DACH1: variants seen among roughly 807,000 people sequenced by gnomAD.
The protein encoded by DACH1 is dachshund family transcription factor 1.
DACH1 carries 12 observed loss-of-function variants against 54.2 expected under a neutral mutation model. The ratio of observed to expected loss-of-function variants is 0.22; its 90% confidence interval spans 0.14 to 0.36. The LOEUF is 0.36. DACH1 is among the 10% of genes least tolerant of loss of function. The pLI, the probability that DACH1 is intolerant of heterozygous loss-of-function variation, is 1.00. For synonymous variants in DACH1, 386 were observed against 366.2 expected, an observed-to-expected ratio of 1.05 and a Z score of -0.62; for missense variants, 805 against 929.8, an observed-to-expected ratio of 0.87 and a Z score of 1.75.
chr13:71,736,113 ATCAAC>A (rs1301227757), intron 1 of DACH1, among the ~76,000 whole-genome samples: 1 of 152,212 alleles, frequency 6.6e-6, no homozygotes, highest in Admixed American at 6.5e-5. Context: ...TTTTCTAGAC[ATCAAC>A]CCCAAGCAAT....
At chr13:71,666,110 G>A (rs528381462) in intron 2 of DACH1, among the ~76,000 whole-genome samples, 39 of 151,980 alleles carry the variant, frequency 2.6e-4, no homozygotes, top group Admixed American at 3.9e-4. Flanking sequence ...CAGAAACTAC[G>A]CTAGCAATAG....
intron 6 of DACH1, among the ~76,000 whole-genome samples, chr13:71,506,408 T>C (rs1379428938): frequency 1.3e-5 from 2 of 151,000 alleles, no homozygotes; most frequent in Non-Finnish European, 1.5e-5. Context: ...GTTCTTGCGA[T>C]AGTTTACTGA....
At chr13:71,687,897 C>T (rs755223388) in intron 1 of DACH1, among the ~76,000 whole-genome samples, 33 of 152,172 alleles carry the variant, frequency 2.2e-4, no homozygotes, top group African/African-American at 6.8e-4. Flanking sequence ...TGTGAGCCAC[C>T]GCACCCCAAC....
rs765347112 is a variant in DACH1 at position 71,557,153 on chromosome 13, G to A, written c.1441C>T (p.His481Tyr). 1 of 1,603,178 alleles carries A rather than the reference G, an allele frequency of 6.2e-7. No individual in the cohort carries two copies. The highest frequency in any genetic ancestry group is 1.7e-5 in the Admixed American group (1 of 57,708). The change falls in exon 6 of 11, where the codon CAT becomes TAT. Residue 481 changes from histidine to tyrosine, a missense_variant. Physicochemically the swap from His to Tyr is moderately conservative, Grantham distance 83 (BLOSUM62 2). Transcript: ENST00000613252. Reference sequence around the variant, plus strand: ...TGGTTCATGGACAACCCATTCTGATGGACCGCTATTATGGCCCAAAAGAAA... The same window carrying A: ...TGGTTCATGGACAACCCATTCTGATAGACCGCTATTATGGCCCAAAAGAAA... ...TESSSDRIPV[H>Y]QNGLSMNQML...
At chr13:71,495,516 T>C (rs1156593424) in intron 6 of DACH1, among the ~76,000 whole-genome samples, 2 of 152,110 alleles carry the variant, frequency 1.3e-5, no homozygotes, top group Admixed American at 6.5e-5. Context: ...CTAAAAAATT[T>C]TGAAAATTAT....
In DACH1 at chr13:71,818,818, C is replaced by T. The variant is rs115747116; in HGVS notation, c.848+47104G>A. On this transcript the variant is annotated intron_variant, in intron 1 of 10. Transcript: ENST00000613252. ...AAGAAGCTTAGTTTTGACTTGGATG[C>T]TATTCTGTGTCTATCAATATATAGC... Among the ~76,000 whole-genome samples, 575 of 152,318 alleles carry T rather than the reference C, an allele frequency of 3.8e-3. 3 individuals carry two copies. Among genetic ancestry groups the T allele is most frequent in the African/African-American group, 0.013 (555 of 41,568 alleles).
chr13:71,835,158 C>G (rs1888736370), intron 1 of DACH1, among the ~76,000 whole-genome samples: 1 of 151,848 alleles, frequency 6.6e-6, no homozygotes, highest in African/African-American at 2.4e-5. Flanking sequence ...CAAAATAGAC[C>G]AAAGGGAGCT....
intron 1 of DACH1, among the ~76,000 whole-genome samples, chr13:71,689,118 A>G (rs1286063748): frequency 6.6e-6 from 1 of 152,178 alleles, no homozygotes; most frequent in Admixed American, 6.5e-5. Flanking sequence ...AATCAATGGT[A>G]TGATTTACAT....
chr13:71,556,031 T>A (rs1409924737), intron 6 of DACH1, among the ~76,000 whole-genome samples: 1 of 152,184 alleles, frequency 6.6e-6, no homozygotes, highest in East Asian at 1.9e-4. Context: ...GCTATTTTTA[T>A]GCTGAAAGGG....
intron 6 of DACH1, among the ~76,000 whole-genome samples, chr13:71,553,002 T>A (rs1206503980): frequency 2.0e-5 from 3 of 147,534 alleles, no homozygotes; most frequent in Non-Finnish European, 3.0e-5. Flanking sequence ...GCCAACATCG[T>A]GAAACCCTGT....
Position 71,584,108 on chromosome 13 carries a change from C to T in DACH1, c.1127-11096G>A, listed in dbSNP as rs377119173. On this transcript the variant is annotated intron_variant, in intron 3 of 10. Coordinates refer to ENST00000613252, the MANE Select transcript of DACH1 (RefSeq NM_080759.6). ...ATACAGATGCTCTCATTTAGATAAG[C>T]CTGGCCTAAGACTTGAGGTCGCCTG... Among the ~76,000 whole-genome samples, 67 of 152,194 alleles carry T rather than the reference C, an allele frequency of 4.4e-4. 1 individual carries two copies. Among genetic ancestry groups the T allele is most frequent in the South Asian group, 1.9e-3 (9 of 4,824 alleles).
At chr13:71,795,536 T>C (rs1051524675) in intron 1 of DACH1, among the ~76,000 whole-genome samples, 3 of 152,178 alleles carry the variant, frequency 2.0e-5, no homozygotes, top group Non-Finnish European at 4.4e-5. Context: ...AATCATTTAT[T>C]TGGAGTCAGA....
intron 1 of DACH1, among the ~76,000 whole-genome samples, chr13:71,758,830 T>C (rs919577878): frequency 6.6e-6 from 1 of 152,206 alleles, no homozygotes; most frequent in Non-Finnish European, 1.5e-5. Flanking sequence ...TTTAAATTAG[T>C]ACACTGTTAA....
At chr13:71,500,170 T>C (rs1879791368) in intron 6 of DACH1, among the ~76,000 whole-genome samples, 1 of 152,204 alleles carries the variant, frequency 6.6e-6, no homozygotes, top group Non-Finnish European at 1.5e-5. Flanking sequence ...CCAATTTACT[T>C]AAATTTACAT....
intron 3 of DACH1, among the ~76,000 whole-genome samples, chr13:71,605,543 G>A (rs1046358697): frequency 3.3e-5 from 5 of 151,812 alleles, no homozygotes; most frequent in African/African-American, 1.2e-4. Context: ...GCTTCACAGT[G>A]TGAATATTTA....
chr13:71,560,931 T>C (rs1486513452), intron 4 of DACH1, among the ~76,000 whole-genome samples: 1 of 152,198 alleles, frequency 6.6e-6, no homozygotes, highest in African/African-American at 2.4e-5. Flanking sequence ...AGATGTATAA[T>C]GTACTTATAA....
intron 1 of DACH1, among the ~76,000 whole-genome samples, chr13:71,815,791 A>G (rs908754624): frequency 5.3e-5 from 8 of 152,202 alleles, no homozygotes; most frequent in African/African-American, 1.9e-4. Context: ...TCAGGTCTTA[A>G]AATAAGCTCA....
intron 1 of DACH1, among the ~76,000 whole-genome samples, chr13:71,738,370 T>C (rs747068983): frequency 7.9e-5 from 12 of 152,096 alleles, no homozygotes; most frequent in East Asian, 1.9e-4. Context: ...ACATTTACAA[T>C]ATTAATTGAG....
chr13:71,663,116 T>C (rs1879616320), intron 2 of DACH1, among the ~76,000 whole-genome samples: 1 of 148,996 alleles, frequency 6.7e-6, no homozygotes, highest in South Asian at 2.1e-4. Context: ...CTATGAATAT[T>C]TTACTTATTT....
Sources: gnomAD v4.1 joint callset for allele counts (sites outside exome capture counted in the v4.1 genomes callset) on GRCh38, gnomAD v4.1.1 for gene constraint, MANE v1.5 for transcripts, NCBI Gene and HGNC (gene_info 2026-07-23, HGNC 2026-07-21) for gene names.